Variants in MKLN1 observed in about 807,000 individuals in gnomAD.
MKLN1 encodes muskelin.
In MKLN1, 18 loss-of-function variants were observed where a neutral mutation model predicts 99.0. That is an observed-to-expected ratio of 0.18 (90% CI 0.13 to 0.27). The LOEUF (loss-of-function observed/expected upper bound fraction) is 0.27. Ranked by LOEUF, MKLN1 falls within the 10% of genes least tolerant of loss-of-function variation. The probability of loss-of-function intolerance (pLI) is 1.00; values close to 1 mark genes in which losing one functional copy is unlikely to be tolerated. For synonymous variants in MKLN1, 288 were observed against 293.2 expected (o/e 0.98, Z 0.18); for missense variants, 621 against 875.9 (o/e 0.71, Z 3.67).
At chr7:131,169,980 C>T (rs773573543) in intron 2 of MKLN1, among the ~76,000 whole-genome samples, 1 of 152,102 alleles carries the variant, frequency 6.6e-6, no homozygotes, top group African/African-American at 2.4e-5. Flanking sequence ...ATCCTAACTA[C>T]TTGGGAGACT....
chr7:131,367,988 A>C (rs771520136), intron 1 of MKLN1, among the ~76,000 whole-genome samples: 1 of 152,218 alleles, frequency 6.6e-6, no homozygotes, highest in Non-Finnish European at 1.5e-5. Flanking sequence ...TTAAAGGAGG[A>C]TAGGCTATAT....
intron 1 of MKLN1, among the ~76,000 whole-genome samples, chr7:131,138,222 C>T (rs1159585849): frequency 2.0e-5 from 3 of 152,232 alleles, no homozygotes; most frequent in Non-Finnish European, 4.4e-5. Flanking sequence ...TGAGCCACTG[C>T]GCCTGGCCAG....
chr7:131,152,907 G>A (rs1453153128), intron 2 of MKLN1, among the ~76,000 whole-genome samples: 1 of 151,310 alleles, frequency 6.6e-6, no homozygotes, highest in Non-Finnish European at 1.5e-5. Context: ...TAACTTATTT[G>A]TTGCAAAAAC....
chr7:131,405,694 CTG>C (rs1408595691), intron 6 of MKLN1, among the ~76,000 whole-genome samples: 2 of 151,898 alleles, frequency 1.3e-5, no homozygotes, highest in African/African-American at 4.8e-5. Context: ...TTTGGAAGAA[CTG>C]TGGTTTTTAA....
intron 8 of MKLN1, among the ~76,000 whole-genome samples, chr7:131,426,283 A>T (rs571584973): frequency 6.6e-6 from 1 of 152,316 alleles, no homozygotes; most frequent in Non-Finnish European, 1.5e-5. Flanking sequence ...AACCAGGGTA[A>T]CCTTATCCAG....
intron 2 of MKLN1, among the ~76,000 whole-genome samples, chr7:131,153,471 T>C (rs1254319352): frequency 6.6e-6 from 1 of 150,728 alleles, no homozygotes; most frequent in Non-Finnish European, 1.5e-5. Flanking sequence ...TATTTCCACA[T>C]AGTAGAAATT....
At chr7:131,267,375 G>C (rs1333186957) in intron 3 of MKLN1, among the ~76,000 whole-genome samples, 3 of 151,962 alleles carry the variant, frequency 2.0e-5, no homozygotes, top group African/African-American at 7.3e-5. Context: ...AAATAAATGA[G>C]ACTTTCTTCA....
At chr7:131,246,528 C>A (rs1051865626) in intron 3 of MKLN1, among the ~76,000 whole-genome samples, 1 of 152,128 alleles carries the variant, frequency 6.6e-6, no homozygotes, top group Non-Finnish European at 1.5e-5. Flanking sequence ...TTTGTTCGTT[C>A]ATGTCCTTTG....
chr7:131,318,011 G>T (rs1195124856), intron 3 of MKLN1, among the ~76,000 whole-genome samples: 4 of 151,968 alleles, frequency 2.6e-5, no homozygotes, highest in African/African-American at 9.7e-5. Context: ...AATAATAGTG[G>T]GAGACTTTAA....
intron 13 of MKLN1, among the ~76,000 whole-genome samples, chr7:131,463,675 G>C (rs1203380255): frequency 6.6e-6 from 1 of 152,258 alleles, no homozygotes; most frequent in Middle Eastern, 3.4e-3. Context: ...AATGTTCCCA[G>C]ATCTTAGTTT....
chr7:131,133,021 C>T (rs917214667), intron 1 of MKLN1, among the ~76,000 whole-genome samples: 17 of 150,216 alleles, frequency 1.1e-4, no homozygotes, highest in Admixed American at 1.1e-3. Context: ...ATTTTTAGGC[C>T]CTGAAGTACC....
chr7:131,478,594 TC>T (rs1442375804), intron 16 of MKLN1, 28 bp from the exon 17 acceptor site: 9 of 1,430,540 alleles, frequency 6.3e-6, no homozygotes, highest in East Asian at 2.5e-5. Context: ...ATTTGCTGCT[TC>T]TTTTTTTTTT....
At chr7:131,357,299 T>C (rs978130747) in intron 1 of MKLN1, among the ~76,000 whole-genome samples, 4 of 152,152 alleles carry the variant, frequency 2.6e-5, no homozygotes, top group Non-Finnish European at 5.9e-5. Flanking sequence ...AGGTGTATTG[T>C]AGGATGCCCC....
chr7:131,339,659 A>C (rs973364013), intron 1 of MKLN1, among the ~76,000 whole-genome samples: 2 of 151,582 alleles, frequency 1.3e-5, no homozygotes, highest in African/African-American at 2.4e-5. Context: ...AGATCGTGCC[A>C]CTGTACTCCA....
At chr7:131,129,768 G>A (rs1795520693) in intron 1 of MKLN1, among the ~76,000 whole-genome samples, 2 of 152,082 alleles carry the variant, frequency 1.3e-5, no homozygotes, top group Non-Finnish European at 2.9e-5. Context: ...TAGAGACGAG[G>A]TCTTGCTATG....
Position 131,494,062 on chromosome 7 carries a change from T to C in MKLN1, c.*6334T>C, listed in dbSNP as rs1189911192. The C allele has an allele frequency of 1.3e-5, 2 of 152,196 alleles. No homozygotes were observed. Among genetic ancestry groups the C allele is most frequent in the Non-Finnish European group, 2.9e-5 (2 of 68,036 alleles). The allele number at this position is 152,196 out of a possible 1,614,324, so 9.4% of individuals were successfully genotyped here. A position where few individuals can be genotyped will look rare whatever the true frequency, so the allele number is the denominator to read the frequency against. On this transcript the variant is annotated 3_prime_UTR_variant, in exon 18 of 18. Transcript: ENST00000352689. The stretch of plus-strand genomic sequence containing the variant: ...TTTGGTTGGTTTTATTTTCTAGCCC[T>C]TTAACATAGGAGGAAAATTGTCATT...
chr7:131,318,330 A>G (rs1798708930), intron 3 of MKLN1, among the ~76,000 whole-genome samples: 1 of 152,228 alleles, frequency 6.6e-6, no homozygotes, highest in South Asian at 2.1e-4. Context: ...TTACATGGAA[A>G]TTGAACAACC....
intron 1 of MKLN1, among the ~76,000 whole-genome samples, chr7:131,365,937 ATTG>A (rs1800168114): frequency 6.6e-6 from 1 of 152,092 alleles, no homozygotes; most frequent in Non-Finnish European, 1.5e-5. Flanking sequence ...GGTTTGATTG[ATTG>A]TTATTACTGA....
At chr7:131,382,049 A>G (rs538741817) in intron 2 of MKLN1, among the ~76,000 whole-genome samples, 35 of 152,322 alleles carry the variant, frequency 2.3e-4, no homozygotes, top group African/African-American at 6.3e-4. Context: ...ATTTTTGGCT[A>G]TTACAAAGAT....
Sources: gnomAD v4.1 joint callset for allele counts (sites outside exome capture counted in the v4.1 genomes callset) on GRCh38, gnomAD v4.1.1 for gene constraint, MANE v1.5 for transcripts, NCBI Gene and HGNC (gene_info 2026-07-23, HGNC 2026-07-21) for gene names.